Variants in THTPA observed in about 807,000 individuals in gnomAD.
The protein encoded by THTPA is thiamine-triphosphatase.
In THTPA, 16 loss-of-function variants were observed where a neutral mutation model predicts 16.5. That is an observed-to-expected ratio of 0.97 (90% CI 0.66 to 1.47). THTPA has a LOEUF of 1.47. Ranked by LOEUF, THTPA falls within the 40% of genes most tolerant of loss-of-function variation. The probability of loss-of-function intolerance (pLI) is 0.00; values close to 1 mark genes in which losing one functional copy is unlikely to be tolerated. For missense variants in THTPA, 281 were observed against 280.9 expected (o/e 1.00, Z 0.00); for synonymous variants, 110 against 115.5 (o/e 0.95, Z 0.30).
chr14:23,558,416 C>T (rs1882805732), intron 1 of THTPA, among the ~76,000 whole-genome samples: 1 of 152,238 alleles, frequency 6.6e-6, no homozygotes, highest in Non-Finnish European at 1.5e-5. Context: ...CTTCGTTTAT[C>T]TTGGTGCCTG....
chr14:23,538,529 G>C, the THTPA span, among the ~76,000 whole-genome samples: 1 of 152,088 alleles, frequency 6.6e-6, no homozygotes, highest in Non-Finnish European at 1.5e-5. Context: ...AAACGGACAG[G>C]CCTAAGAGTC....
upstream of THTPA, among the ~76,000 whole-genome samples, chr14:23,552,741 G>A (rs1882068986): frequency 6.6e-6 from 1 of 151,764 alleles, no homozygotes; most frequent in African/African-American, 2.4e-5. Flanking sequence ...AGCTGGGATT[G>A]TAGGTGCCCA....
chr14:23,523,346 G>A, the THTPA span: 1 of 1,468,002 alleles, frequency 6.8e-7, no homozygotes, highest in African/African-American at 1.4e-5. This position sits in a 1 kb window ranked among gnomAD's most constrained non-coding sequence, Gnocchi z 4.1. Context: ...CTTGAGAGCT[G>A]GGGGAGCCTC....
At chr14:23,524,494 G>A in the THTPA span, 1 of 1,529,144 alleles carries the variant, frequency 6.5e-7, no homozygotes, top group Non-Finnish European at 8.7e-7. This position sits in a 1 kb window ranked among gnomAD's most constrained non-coding sequence, Gnocchi z 5.6. Context: ...CCACCAGGGG[G>A]TTTCTCTCCC....
the THTPA span, chr14:23,531,968 G>A: frequency 1.9e-5 from 6 of 323,014 alleles, no homozygotes; most frequent in Non-Finnish European, 3.1e-5. Context: ...TACAGATGGG[G>A]TTTCACCATG....
the THTPA span, among the ~76,000 whole-genome samples, chr14:23,546,506 C>T: frequency 6.6e-6 from 1 of 152,110 alleles, no homozygotes; most frequent in Admixed American, 6.5e-5. The surrounding 1 kb of genome is among the most constrained non-coding windows in gnomAD (Gnocchi z 4.7). Context: ...CACATGAGGA[C>T]CCTGGTCTCT....
At chr14:23,527,856 A>G in the THTPA span, 1 of 1,436,672 alleles carries the variant, frequency 7.0e-7, no homozygotes, top group East Asian at 2.7e-5. Context: ...GATGGGACCC[A>G]CCATCACATA....
At chr14:23,515,808 A>G in the THTPA span, among the ~76,000 whole-genome samples, 4 of 152,174 alleles carry the variant, frequency 2.6e-5, no homozygotes, top group Non-Finnish European at 5.9e-5. Flanking sequence ...GTGTATGGCT[A>G]CTTCAGAAGA....
the THTPA span, chr14:23,528,753 G>A: frequency 1.0e-6 from 1 of 985,272 alleles, no homozygotes; most frequent in Non-Finnish European, 1.2e-6. Context: ...CAGTGGCCCA[G>A]GAAAATTCTG....
chr14:23,518,914 C>A, the THTPA span, among the ~76,000 whole-genome samples: 15 of 152,316 alleles, frequency 9.8e-5, no homozygotes, highest in Admixed American at 2.6e-4. This position sits in a 1 kb window ranked among gnomAD's most constrained non-coding sequence, Gnocchi z 4.5. Context: ...CTGCTAAGGA[C>A]TTCTGGTGTG....
At chr14:23,526,002 T>G in the THTPA span, 1 of 1,531,490 alleles carries the variant, frequency 6.5e-7, no homozygotes, top group Non-Finnish European at 8.7e-7. Flanking sequence ...ATGAAGCCAC[T>G]GGTGTCAGGG....
At chr14:23,552,139 G>A (rs1162845948), upstream of THTPA, among the ~76,000 whole-genome samples, 1 of 151,910 alleles carries the variant, frequency 6.6e-6, no homozygotes, top group Non-Finnish European at 1.5e-5. Context: ...CGCGAAATTG[G>A]GTACTAGAAC....
At chr14:23,523,185 C>T in the THTPA span, 5 of 1,413,008 alleles carry the variant, frequency 3.5e-6, no homozygotes, top group East Asian at 5.2e-5. This position sits in a 1 kb window ranked among gnomAD's most constrained non-coding sequence, Gnocchi z 4.1. Context: ...TCCAGCTCCT[C>T]CCAGCCTCCC....
At chr14:23,557,416 A>G in intron 1 of THTPA, 112 bp downstream of exon 1, 1 of 1,201,574 alleles carries the variant, frequency 8.3e-7, no homozygotes, top group Admixed American at 3.0e-5. Flanking sequence ...TTTTTTTTTT[A>G]ATAGAGACAA....
chr14:23,532,822 C>T, the THTPA span: 3 of 1,536,592 alleles, frequency 2.0e-6, no homozygotes, highest in Non-Finnish European at 2.6e-6. Context: ...TGGCCTTGAG[C>T]TGGGTGCCAT....
At chr14:23,527,672 C>T in the THTPA span, 1 of 1,536,302 alleles carries the variant, frequency 6.5e-7, no homozygotes, top group Non-Finnish European at 8.7e-7. Context: ...AAGTGCAGGG[C>T]AGGCCGGCCC....
rs780846831 is a variant in THTPA, at chr14:23,557,148, G to A, written c.391G>A (p.Val131Met). ...GACTAAGCGGAGTGCCTGGAAGCTGGTGCTCTTGGGAGCTGATGAAGAGGA... is the reference window on the plus strand; with the variant it reads ...GACTAAGCGGAGTGCCTGGAAGCTGATGCTCTTGGGAGCTGATGAAGAGGA... Reference protein sequence around the residue: ...FVTKRSAWKLVLLGADEEEPQ... With the variant: ...FVTKRSAWKLMLLGADEEEPQ... Residue 131 changes from valine (V) to methionine (M), a missense_variant, in exon 1 of 2, where the codon GTG (valine) becomes ATG (methionine). Coordinates refer to ENST00000288014, the MANE Select transcript of THTPA (RefSeq NM_024328.6). 6 of 1,614,046 alleles carry A rather than the reference G, an allele frequency of 3.7e-6. No individual in the cohort carries two copies. The East Asian group carries it at 1.1e-4, about 30-fold the overall frequency.
the THTPA span, chr14:23,530,728 G>A: frequency 1.6e-4 from 50 of 309,306 alleles, no homozygotes; most frequent in Admixed American, 1.4e-3. Context: ...CGCCAGGATC[G>A]TTAGCTATTG....
chr14:23,535,670 G>T, the THTPA span, among the ~76,000 whole-genome samples: 3 of 151,802 alleles, frequency 2.0e-5, no homozygotes, highest in Non-Finnish European at 2.9e-5. This position sits in a 1 kb window ranked among gnomAD's most constrained non-coding sequence, Gnocchi z 4.5. Flanking sequence ...TCGGCTCACC[G>T]CAACCTCCAC....
Sources: allele counts gnomAD v4.1 joint callset (sites outside exome capture counted in the v4.1 genomes callset), GRCh38; gene constraint gnomAD v4.1.1; non-coding constraint Gnocchi (gnomAD v3.1); transcripts MANE v1.5; gene names NCBI Gene and HGNC (gene_info 2026-07-23, HGNC 2026-07-21).